CNTNAP2: variants seen among roughly 807,000 people sequenced by gnomAD.
CNTNAP2 encodes contactin-associated protein-like 2.
CNTNAP2 carries 98 observed loss-of-function variants against 155.2 expected under a neutral mutation model. The ratio of observed to expected loss-of-function variants is 0.63; its 90% CI spans 0.54 to 0.75. CNTNAP2 has a LOEUF of 0.75. CNTNAP2 is among the 30% of genes least tolerant of loss of function. The pLI is 0.00. For synonymous variants in CNTNAP2, 651 were observed against 631.2 expected, an observed-to-expected ratio of 1.03 and a Z score of -0.47; for missense variants, 1,727 against 1,688.1, an observed-to-expected ratio of 1.02 and a Z score of -0.40.
intron 3 of CNTNAP2, among the ~76,000 whole-genome samples, chr7:146,854,602 T>C (rs571159522): frequency 1.3e-5 from 2 of 152,116 alleles, no homozygotes; most frequent in South Asian, 4.2e-4. Flanking sequence ...TATAGGGACA[T>C]TATGTTACTC....
At chr7:148,155,110 G>A (rs1342505908) in intron 17 of CNTNAP2, among the ~76,000 whole-genome samples, 10 of 152,220 alleles carry the variant, frequency 6.6e-5, no homozygotes, top group Admixed American at 2.0e-4. Flanking sequence ...GAGTCCACAC[G>A]AGTCTATAAC....
chr7:147,502,327 G>T (rs1798830097), intron 11 of CNTNAP2, among the ~76,000 whole-genome samples: 1 of 152,132 alleles, frequency 6.6e-6, no homozygotes, highest in Non-Finnish European at 1.5e-5. Context: ...GCATATCAAA[G>T]TCATTTGTGA....
chr7:147,110,237 G>A (rs906787170), intron 5 of CNTNAP2, among the ~76,000 whole-genome samples: 1 of 152,126 alleles, frequency 6.6e-6, no homozygotes, highest in Non-Finnish European at 1.5e-5. Context: ...GTTTTTAAAT[G>A]GACAAGACCA....
chr7:147,814,876 T>A (rs888335107), intron 13 of CNTNAP2, among the ~76,000 whole-genome samples: 3 of 152,150 alleles, frequency 2.0e-5, no homozygotes, highest in Admixed American at 6.5e-5. Context: ...GTTCCTGGGG[T>A]AACAGCAAAG....
intron 20 of CNTNAP2, among the ~76,000 whole-genome samples, chr7:148,249,042 G>A (rs1341520645): frequency 1.3e-5 from 2 of 152,118 alleles, no homozygotes; most frequent in Non-Finnish European, 2.9e-5. Flanking sequence ...CAAGCCTTTG[G>A]CCCCTTTTTA....
intron 3 of CNTNAP2, among the ~76,000 whole-genome samples, chr7:146,947,509 T>G (rs1797206120): frequency 7.1e-6 from 1 of 141,682 alleles, no homozygotes; most frequent in South Asian, 2.2e-4. Context: ...TCTTTCTAGA[T>G]ATATATAGTG....
intron 20 of CNTNAP2, among the ~76,000 whole-genome samples, chr7:148,235,114 A>C (rs886277569): frequency 2.6e-5 from 4 of 152,230 alleles, no homozygotes; most frequent in Non-Finnish European, 4.4e-5. Flanking sequence ...TTTCACTGGG[A>C]ATTTTCAAAA....
chr7:146,446,169 A>C lies in CNTNAP2; in HGVS notation c.98-328102A>C, dbSNP rs180880393. On this transcript the variant is annotated intron_variant, in intron 1 of 23. Coordinates refer to ENST00000361727, the MANE Select transcript of CNTNAP2 (RefSeq NM_014141.6). ...TGAAATCAAGAGGCTACATAAATGT[A>C]AAGTGCTACTGCTTAAATAAAAAAT... Among the ~76,000 whole-genome samples, 12 of 152,330 alleles carry C rather than the reference A, an allele frequency of 7.9e-5. 1 individual carries two copies. The highest frequency in any genetic ancestry group is 7.8e-4 in the Admixed American group (12 of 15,302).
chr7:147,919,736 G>A (rs988913691), intron 14 of CNTNAP2, among the ~76,000 whole-genome samples: 4 of 151,558 alleles, frequency 2.6e-5, no homozygotes, highest in Non-Finnish European at 5.9e-5. Flanking sequence ...GGGATTACAG[G>A]CGTGAGCCAC....
intron 21 of CNTNAP2, among the ~76,000 whole-genome samples, chr7:148,296,545 C>CAAAAAAAAAAAAAAAAAAAAA (rs143609414): frequency 1.3e-5 from 1 of 76,608 alleles, no homozygotes; most frequent in Non-Finnish European, 2.4e-5. Flanking sequence ...GACTCTGTCT[C>CAAAAAAAAAAAAAAAAAAAAA]AAAAAAAAAA....
At chr7:147,832,783 TTATA>T (rs1156998737) in intron 13 of CNTNAP2, among the ~76,000 whole-genome samples, 1 of 147,250 alleles carries the variant, frequency 6.8e-6, no homozygotes, top group African/African-American at 2.5e-5. Flanking sequence ...GTACATTTAA[TTATA>T]TATTAACTAT....
rs147418563 is a variant in CNTNAP2, at chr7:146,228,248, G to A, written c.97+111275G>A. Reference sequence around the variant, plus strand: ...TAATAGTTTAAATCTTTGTTTAGTAGTAAACACTTTCATTAGTGGCCTAAA... The same window carrying A: ...TAATAGTTTAAATCTTTGTTTAGTAATAAACACTTTCATTAGTGGCCTAAA... On this transcript the variant is annotated intron_variant, in intron 1 of 23. Transcript: ENST00000361727. Among the ~76,000 whole-genome samples the A allele has an allele frequency of 6.0e-3, 920 of 152,274 alleles. 8 individuals are homozygous for A. The highest frequency in any genetic ancestry group is 0.015 in the African/African-American group (624 of 41,548).
chr7:147,780,976 C>T (rs759422164), intron 13 of CNTNAP2, among the ~76,000 whole-genome samples: 1 of 152,166 alleles, frequency 6.6e-6, no homozygotes, highest in Non-Finnish European at 1.5e-5. Flanking sequence ...AGAAATCCTA[C>T]ACTCTGCTTA....
intron 13 of CNTNAP2, among the ~76,000 whole-genome samples, chr7:147,760,332 T>C (rs979173072): frequency 6.6e-6 from 1 of 152,140 alleles, no homozygotes; most frequent in Non-Finnish European, 1.5e-5. Flanking sequence ...GAATTAAATG[T>C]GATTTTTCCC....
chr7:147,906,703 A>G (rs570756285), intron 14 of CNTNAP2, among the ~76,000 whole-genome samples: 1 of 152,172 alleles, frequency 6.6e-6, no homozygotes, highest in African/African-American at 2.4e-5. Context: ...CAAGTGATCT[A>G]CCTGCCTCGG....
chr7:148,094,691 A>T (rs184670033), intron 15 of CNTNAP2, among the ~76,000 whole-genome samples: 1 of 152,216 alleles, frequency 6.6e-6, no homozygotes, highest in Non-Finnish European at 1.5e-5. Context: ...CTGAAGTTTC[A>T]TAATATGGAC....
At chr7:147,620,996 A>T (rs1033088785) in intron 12 of CNTNAP2, among the ~76,000 whole-genome samples, 1 of 152,210 alleles carries the variant, frequency 6.6e-6, no homozygotes, top group South Asian at 2.1e-4. Context: ...GAAAAGAAGC[A>T]TATAGCAGGC....
intron 4 of CNTNAP2, among the ~76,000 whole-genome samples, chr7:147,044,342 AAAT>A: frequency 6.6e-6 from 1 of 152,244 alleles, no homozygotes; most frequent in South Asian, 2.1e-4. Context: ...TCAATAGACT[AAAT>A]AATAAAGCTT....
chr7:146,464,580 C>T (rs923041000), intron 1 of CNTNAP2, among the ~76,000 whole-genome samples: 2 of 152,136 alleles, frequency 1.3e-5, no homozygotes, highest in East Asian at 1.9e-4. Flanking sequence ...GCACCTTCTT[C>T]CCTCTTTTTC....
Sources: gnomAD v4.1 joint callset for allele counts (sites outside exome capture counted in the v4.1 genomes callset) on GRCh38, gnomAD v4.1.1 for gene constraint, MANE v1.5 for transcripts, NCBI Gene and HGNC (gene_info 2026-07-23, HGNC 2026-07-21) for gene names.